Variants in WRN observed in about 807,000 individuals in gnomAD.
WRN encodes bifunctional 3'-5' exonuclease/ATP-dependent helicase WRN.
In WRN, 149 loss-of-function variants were observed where a neutral mutation model predicts 180.7. The ratio of observed to expected loss-of-function variants is 0.82; its 90% CI spans 0.72 to 0.94. The LOEUF is 0.94. WRN is among the 40% of genes least tolerant of loss of function. The probability of loss-of-function intolerance (pLI) is 0.00; values close to 1 mark genes in which losing one functional copy is unlikely to be tolerated. For missense variants in WRN, 1,661 were observed against 1,700.1 expected (o/e 0.98, Z 0.40); for synonymous variants, 548 against 568.9 (o/e 0.96, Z 0.52).
rs1813633606 is a variant in WRN, at chr8:31,088,790, CA to C, written c.1577-99del. On this transcript the variant is annotated intron_variant, in intron 12 of 34. Coordinates refer to ENST00000298139, the MANE Select transcript of WRN (RefSeq NM_000553.6). ...GAAAACATTAACCCATGGTAGCTGT[CA>C]CTGTATTCTTTCAAAGAAGCCAATG... is the stretch of plus-strand genomic sequence containing the variant. The C allele has an allele frequency of 4.1e-6, 4 of 969,516 alleles. No individual in the cohort carries two copies. In the South Asian group the frequency reaches 5.5e-5, roughly 13 times the overall value. 60.1% of individuals were successfully genotyped at this position (969,516 alleles called of 1,614,324 possible).
rs755118429 is a variant in WRN, at chr8:31,167,223, A to G, written c.4184A>G (p.Asn1395Ser). 14 of 1,611,838 alleles carry G rather than the reference A, an allele frequency of 8.7e-6. No individual in the cohort carries two copies. The highest frequency in any genetic ancestry group is 2.7e-5 in the African/African-American group (2 of 74,972). ...SKRSKEEVGI[N>S]TETSSAERKR... ...AGAAGCAAGGAAGAAGTAGGCATCA[A>G]TACTGAGGTATTAATTATATATAGA... The change falls in exon 34 of 35, where the codon AAT (asparagine) becomes AGT (serine). Residue 1395 changes from asparagine (N) to serine (S), a missense_variant. Around this residue, in one of 3 missense-constraint regions of WRN, gnomAD observed 1,141 missense variants for 1,149.4 expected, o/e 0.99. Coordinates refer to ENST00000298139, the MANE Select transcript of WRN (RefSeq NM_000553.6).
chr8:31,039,946 T>C (rs1485228229), intron 1 of WRN, among the ~76,000 whole-genome samples: 1 of 152,220 alleles, frequency 6.6e-6, no homozygotes, highest in Non-Finnish European at 1.5e-5. Flanking sequence ...TATAACAGAA[T>C]CACTCTGCTA....
intron 1 of WRN, among the ~76,000 whole-genome samples, chr8:31,056,752 A>G (rs75518994): frequency 6.6e-6 from 1 of 152,178 alleles, no homozygotes; most frequent in African/African-American, 2.4e-5. Flanking sequence ...TATGTGGTTT[A>G]TTTGACTACC....
At chr8:31,162,682 G>A (rs1350523038) in intron 33 of WRN, among the ~76,000 whole-genome samples, 1 of 152,192 alleles carries the variant, frequency 6.6e-6, no homozygotes, top group South Asian at 2.1e-4. Context: ...CATGGGTGAT[G>A]CTTTGCATTG....
chr8:31,137,354 T>C (rs1165398758), intron 24 of WRN, among the ~76,000 whole-genome samples: 1 of 152,118 alleles, frequency 6.6e-6, no homozygotes, highest in Non-Finnish European at 1.5e-5. Flanking sequence ...GTGTAATTTT[T>C]AGTGTTTAGA....
At chr8:31,085,846 A>C (rs1249095287) in intron 11 of WRN, among the ~76,000 whole-genome samples, 1 of 151,982 alleles carries the variant, frequency 6.6e-6, no homozygotes, top group Admixed American at 6.6e-5. Context: ...CCAGTATTGA[A>C]ATTGAGTTTC....
At chr8:31,056,171 T>C (rs1261205469) in intron 1 of WRN, among the ~76,000 whole-genome samples, 2 of 152,224 alleles carry the variant, frequency 1.3e-5, no homozygotes, top group East Asian at 1.9e-4. Flanking sequence ...ATGAATTACT[T>C]ACAAAATTTT....
chr8:31,051,113 A>G (rs1272137209), intron 1 of WRN, among the ~76,000 whole-genome samples: 2 of 151,884 alleles, frequency 1.3e-5, no homozygotes, highest in Non-Finnish European at 2.9e-5. Flanking sequence ...AGAGTGGGAT[A>G]CTTTATTCAG....
intron 24 of WRN, among the ~76,000 whole-genome samples, chr8:31,137,010 A>T (rs1050804649): frequency 5.3e-5 from 8 of 151,854 alleles, no homozygotes; most frequent in African/African-American, 1.9e-4. Flanking sequence ...GTGAGAAATC[A>T]TTAAGCATTT....
intron 1 of WRN, among the ~76,000 whole-genome samples, chr8:31,037,027 A>C (rs1179138548): frequency 6.6e-6 from 1 of 152,228 alleles, no homozygotes; most frequent in Admixed American, 6.5e-5. Flanking sequence ...AGGATATTTC[A>C]AGCGCATTAC....
chr8:31,151,114 T>G (rs921203954), intron 31 of WRN, among the ~76,000 whole-genome samples: 2 of 152,200 alleles, frequency 1.3e-5, no homozygotes, highest in East Asian at 3.8e-4. Flanking sequence ...AGTTCTTCCT[T>G]ACAGTTGTTC....
At chr8:31,048,140 C>T (rs1811937845) in intron 1 of WRN, among the ~76,000 whole-genome samples, 1 of 152,186 alleles carries the variant, frequency 6.6e-6, no homozygotes, top group South Asian at 2.1e-4. Context: ...AGAAACAAGT[C>T]TCTCAAAAAT....
In WRN at chr8:31,100,865, T is replaced by C; in HGVS notation, c.1998T>C (p.Ala666=). The change falls in exon 18 of 35, where the codon GCT becomes GCC. Residue 666 remains alanine (A), a synonymous_variant. Transcript: ENST00000298139. ...LEADIGITLI[A]VDEAHCISEW... is the part of the protein sequence containing the mutation. ...TTTTTACAGGTATCACGCTCATTGC[T>C]GTGGATGAGGCTCACTGTATTTCTG... The C allele has an allele frequency of 6.2e-7, 1 of 1,613,988 alleles. No individual in the cohort carries two copies. Among genetic ancestry groups the C allele is most frequent in the African/African-American group, 1.3e-5 (1 of 75,010 alleles).
chr8:31,068,383 CA>C (rs896329829), intron 7 of WRN, 56 bp downstream of exon 7: 1 of 1,395,720 alleles, frequency 7.2e-7, no homozygotes, highest in South Asian at 1.2e-5. Flanking sequence ...GGTTTATCTC[CA>C]AAAAAGGCAA....
chr8:31,135,014 C>G (rs888312521), intron 24 of WRN, among the ~76,000 whole-genome samples: 2 of 152,076 alleles, frequency 1.3e-5, no homozygotes, highest in Admixed American at 1.3e-4. Flanking sequence ...CGTCCTCCCC[C>G]AAGCCCCCCC....
intron 1 of WRN, among the ~76,000 whole-genome samples, chr8:31,047,160 T>C (rs1263697670): frequency 7.4e-6 from 1 of 135,086 alleles, no homozygotes; most frequent in Non-Finnish European, 1.6e-5. Flanking sequence ...TTTTTTTTTT[T>C]GAGGCAAGGT....
At chr8:31,054,120 G>A (rs1045205126) in intron 1 of WRN, among the ~76,000 whole-genome samples, 2 of 152,054 alleles carry the variant, frequency 1.3e-5, no homozygotes, top group African/African-American at 4.8e-5. Flanking sequence ...TGTAGAATTC[G>A]AAGAAAATAT....
intron 27 of WRN, 34 bp downstream of exon 27, chr8:31,142,735 A>T (rs370647332): frequency 2.7e-6 from 4 of 1,502,204 alleles, no homozygotes; most frequent in Non-Finnish European, 3.7e-6. Context: ...GATTTATTTC[A>T]TTCTTTATTG....
chr8:31,076,327 C>A (rs1460733531), intron 8 of WRN, 40 bp downstream of exon 8: 3 of 1,501,294 alleles, frequency 2.0e-6, no homozygotes, highest in East Asian at 2.4e-5. Context: ...TAAATCAATT[C>A]TGTTTATTTT....
Sources: gnomAD v4.1 joint callset for allele counts (sites outside exome capture counted in the v4.1 genomes callset) on GRCh38, gnomAD v4.1.1 for gene constraint, gnomAD v4.1.1 regional missense constraint, MANE v1.5 for transcripts, NCBI Gene and HGNC (gene_info 2026-07-23, HGNC 2026-07-21) for gene names.